The following INVS variants were observed in gnomAD, a reference collection of about 807,000 sequenced individuals.
INVS encodes the protein inversion of embryo turning homolog.
Under a neutral mutation model 108.8 loss-of-function variants are expected in INVS, and 86 were observed. That is an observed-to-expected ratio of 0.79 (90% CI 0.66 to 0.95). The LOEUF (loss-of-function observed/expected upper bound fraction) is 0.95, where lower values mean the gene tolerates loss of function less well. INVS is among the 40% of genes least tolerant of loss of function. The probability of loss-of-function intolerance (pLI) is 0.00; values close to 1 mark genes in which losing one functional copy is unlikely to be tolerated. For synonymous variants in INVS, 455 were observed against 473.5 expected (o/e 0.96, Z 0.51); for missense variants, 1,169 against 1,297.4 (o/e 0.90, Z 1.52).
intron 4 of INVS, among the ~76,000 whole-genome samples, chr9:100,227,249 T>G (rs1485782203): frequency 2.6e-5 from 4 of 152,196 alleles, no homozygotes; most frequent in Non-Finnish European, 5.9e-5. Context: ...CTGCAGTTGT[T>G]AGTAAGCAAA....
intron 3 of INVS, among the ~76,000 whole-genome samples, chr9:100,131,683 T>A (rs1828058919): frequency 6.6e-6 from 1 of 152,200 alleles, no homozygotes; most frequent in Non-Finnish European, 1.5e-5. Context: ...TGTTAATAGT[T>A]ATGCATGTTT....
At chr9:100,224,154 C>T (rs533626092) in intron 3 of INVS, among the ~76,000 whole-genome samples, 8 of 152,316 alleles carry the variant, frequency 5.3e-5, no homozygotes, top group African/African-American at 1.7e-4. Context: ...CCAGGTGCCG[C>T]GGTGTGGACA....
At chr9:100,255,512 C>A (rs1832388553) in intron 10 of INVS, among the ~76,000 whole-genome samples, 2 of 152,140 alleles carry the variant, frequency 1.3e-5, no homozygotes, top group African/African-American at 4.8e-5. Context: ...GGGAATGCTT[C>A]CAGTTTTTGC....
Position 100,198,231 on chromosome 9 carries a change from T to C in INVS, c.274-27831T>C, listed in dbSNP as rs117310526. Reference sequence around the variant, plus strand: ...TTTCTTAATCTTTCCTCAACTTTAATGGTGTTGACACATTTGAAGATTGAG... The same window carrying C: ...TTTCTTAATCTTTCCTCAACTTTAACGGTGTTGACACATTTGAAGATTGAG... On this transcript the variant is annotated intron_variant, in intron 3 of 16. Coordinates refer to ENST00000262457, the MANE Select transcript of INVS (RefSeq NM_014425.5). Among the ~76,000 whole-genome samples the C allele has an allele frequency of 1.5e-3, 222 of 147,188 alleles. 2 individuals carry two copies. In the East Asian group the frequency reaches 0.034, roughly 23 times the overall value.
intron 4 of INVS, among the ~76,000 whole-genome samples, chr9:100,228,683 C>A (rs920227339): frequency 6.6e-6 from 1 of 152,246 alleles, no homozygotes; most frequent in South Asian, 2.1e-4. Context: ...TGGAGTCAGA[C>A]TGCCTGGGTT....
intron 16 of INVS, chr9:100,298,371 C>G: frequency 1.0e-6 from 1 of 967,100 alleles, no homozygotes; most frequent in Non-Finnish European, 1.2e-6. Flanking sequence ...CTATTTCCTT[C>G]TCCAAGATGG....
intron 3 of INVS, among the ~76,000 whole-genome samples, chr9:100,154,576 C>G (rs1256357254): frequency 6.6e-6 from 1 of 151,700 alleles, no homozygotes; most frequent in Non-Finnish European, 1.5e-5. Context: ...TTTTATATAA[C>G]ATTATAAAAT....
chr9:100,209,688 T>C (rs1214592354), intron 3 of INVS, among the ~76,000 whole-genome samples: 3 of 141,594 alleles, frequency 2.1e-5, no homozygotes, highest in Middle Eastern at 4.2e-3. Context: ...AAGAATGGCA[T>C]GAACCTGGAA....
At chr9:100,224,814 C>T (rs1037825759) in intron 3 of INVS, among the ~76,000 whole-genome samples, 3 of 151,594 alleles carry the variant, frequency 2.0e-5, no homozygotes, top group Non-Finnish European at 4.4e-5. Context: ...CGGGGTTTCA[C>T]CATGTTGGCC....
chr9:100,106,097 C>T (rs569109532), intron 2 of INVS, among the ~76,000 whole-genome samples: 1 of 152,202 alleles, frequency 6.6e-6, no homozygotes, highest in South Asian at 2.1e-4. Flanking sequence ...GTTCCCCCTC[C>T]TTTCATTCTC....
intron 13 of INVS, among the ~76,000 whole-genome samples, chr9:100,291,805 G>C (rs1179553663): frequency 6.6e-6 from 1 of 152,172 alleles, no homozygotes; most frequent in Admixed American, 6.5e-5. Context: ...CTAAGTGCTG[G>C]AGAGCAGATT....
chr9:100,252,871 AT>A, intron 9 of INVS, 35 bp from the exon 10 acceptor site: 3 of 1,420,956 alleles, frequency 2.1e-6, no homozygotes, highest in Non-Finnish European at 3.0e-6. Context: ...AAAGCTATTT[AT>A]ATTAGACATT....
rs1274558788 is a variant in INVS at position 100,226,241 on chromosome 9, G to T, written c.447+6G>T. On this transcript the variant is annotated splice_donor_region_variant and intron_variant, in intron 4 of 16. Transcript: ENST00000262457. ...ATACACAGGATAAAAACAAGGTAAT[G>T]GATACTCAAAATCAAAGACTAATAA... 6.2e-7 allele frequency: 1 copy of T among 1,612,242 alleles called. No homozygotes were observed. Among genetic ancestry groups the T allele is most frequent in the Non-Finnish European group, 8.5e-7 (1 of 1,178,904 alleles).
At chr9:100,154,453 A>G (rs1056291807) in intron 3 of INVS, among the ~76,000 whole-genome samples, 1 of 148,576 alleles carries the variant, frequency 6.7e-6, no homozygotes, top group Admixed American at 6.9e-5. Flanking sequence ...CTGGGATTAC[A>G]GGTGTGTCCA....
intron 2 of INVS, among the ~76,000 whole-genome samples, chr9:100,116,169 T>G (rs1827517950): frequency 6.6e-6 from 1 of 151,380 alleles, no homozygotes; most frequent in South Asian, 2.1e-4. Context: ...AGTGGTGCAA[T>G]CTCGGCTCCC....
chr9:100,142,537 G>A (rs771564636), intron 3 of INVS, among the ~76,000 whole-genome samples: 59 of 152,156 alleles, frequency 3.9e-4, no homozygotes, highest in Admixed American at 1.0e-3. Flanking sequence ...AGTCATGAGG[G>A]TCAGGTGTGG....
At chr9:100,244,738 C>T (rs1229626653) in intron 7 of INVS, among the ~76,000 whole-genome samples, 1 of 152,122 alleles carries the variant, frequency 6.6e-6, no homozygotes, top group African/African-American at 2.4e-5. Flanking sequence ...AAAATGCAGA[C>T]ACATTCCCCT....
intron 3 of INVS, among the ~76,000 whole-genome samples, chr9:100,170,190 AG>A (rs1829491778): frequency 6.6e-6 from 1 of 152,180 alleles, no homozygotes; most frequent in Non-Finnish European, 1.5e-5. Flanking sequence ...GATTTCATGC[AG>A]TTCTTCTAGA....
Position 100,104,591 on chromosome 9 carries a change from A to G in INVS, c.70A>G (p.Asn24Asp). 6.2e-7 allele frequency: 1 copy of G among 1,614,106 alleles called. No homozygotes were observed. The highest frequency in any genetic ancestry group is 8.5e-7 in the Non-Finnish European group (1 of 1,179,956). The part of the protein sequence containing the change: ...LASQVHAAAV[N>D]GDKGALQRLI... ...ATCACAAGTCCATGCTGCTGCCGTTAATGGAGATAAGGGTGCTCTACAGAG... is the reference window on the plus strand; with the variant it reads ...ATCACAAGTCCATGCTGCTGCCGTTGATGGAGATAAGGGTGCTCTACAGAG... The change falls in exon 2 of 17, where the codon AAT becomes GAT. Residue 24 changes from asparagine to aspartate, a missense_variant. By Grantham distance (23) the Asn-to-Asp change is conservative (BLOSUM62 1). Coordinates refer to ENST00000262457, the MANE Select transcript of INVS (RefSeq NM_014425.5).
Sources: gnomAD v4.1 joint callset for allele counts (sites outside exome capture counted in the v4.1 genomes callset) on GRCh38, gnomAD v4.1.1 for gene constraint, MANE v1.5 for transcripts, NCBI Gene and HGNC (gene_info 2026-07-23, HGNC 2026-07-21) for gene names.